Variants in ADAMTS20 observed in about 807,000 individuals in gnomAD.
ADAMTS20 encodes the protein A disintegrin and metalloproteinase with thrombospondin motifs 20.
ADAMTS20 carries 225 observed loss-of-function variants against 260.1 expected under a neutral mutation model. The ratio of observed to expected loss-of-function variants is 0.87; its 90% CI spans 0.78 to 0.97. ADAMTS20 has a LOEUF of 0.97. Ranked by LOEUF, ADAMTS20 falls within the 50% of genes least tolerant of loss-of-function variation. The pLI, the probability that ADAMTS20 is intolerant of heterozygous loss-of-function variation, is 0.00. For synonymous variants in ADAMTS20, 802 were observed against 769.5 expected, an observed-to-expected ratio of 1.04 and a Z score of -0.70; for missense variants, 2,400 against 2,337.7, an observed-to-expected ratio of 1.03 and a Z score of -0.55.
chr12:43,511,344 C>A (rs1052229694), intron 3 of ADAMTS20, among the ~76,000 whole-genome samples: 7 of 151,980 alleles, frequency 4.6e-5, no homozygotes, highest in Admixed American at 3.3e-4. Flanking sequence ...TCCTCACTGC[C>A]CATAAGATAA....
At chr12:43,439,561 T>C (rs1941619493) in intron 18 of ADAMTS20, 61 bp downstream of exon 18, 1 of 1,549,758 alleles carries the variant, frequency 6.5e-7, no homozygotes. Flanking sequence ...GACTCAAAAG[T>C]ACCCAAAATG....
intron 3 of ADAMTS20, among the ~76,000 whole-genome samples, chr12:43,521,496 G>A (rs1350239573): frequency 6.6e-6 from 1 of 152,104 alleles, no homozygotes; most frequent in African/African-American, 2.4e-5. Context: ...ACTTCTTTAT[G>A]TGCACTTTTC....
chr12:43,395,098 G>A (rs1278836200), intron 29 of ADAMTS20, among the ~76,000 whole-genome samples: 1 of 152,078 alleles, frequency 6.6e-6, no homozygotes, highest in Non-Finnish European at 1.5e-5. Context: ...AGATGATAAA[G>A]GAGGAGCATT....
In ADAMTS20 at chr12:43,376,282, C is replaced by G; in HGVS notation, c.5174G>C (p.Arg1725Thr). Residue 1725 changes from arginine to threonine, a missense_variant, in exon 34 of 39, where the codon AGA becomes ACA. Physicochemically the swap from Arg to Thr is moderately conservative, Grantham distance 71 (BLOSUM62 -1). Coordinates refer to ENST00000389420, the MANE Select transcript of ADAMTS20 (RefSeq NM_025003.5). ...GTTAAGGTAATAGTCACCATCCTTT[C>G]TAATGTGGTTTTTCACTTGAATTTC... ...CKEIQVKNHI[R>T]KDGDYYLNIK... The G allele has an allele frequency of 1.9e-6, 3 of 1,555,860 alleles. No individual in the cohort carries two copies. Among genetic ancestry groups the G allele is most frequent in the Non-Finnish European group, 2.6e-6 (3 of 1,148,406 alleles).
At chr12:43,514,429 G>A (rs1000903024) in intron 3 of ADAMTS20, among the ~76,000 whole-genome samples, 7 of 151,720 alleles carry the variant, frequency 4.6e-5, no homozygotes, top group African/African-American at 1.7e-4. Context: ...GGGTGTAGTG[G>A]CGCGTGCCTG....
intron 3 of ADAMTS20, among the ~76,000 whole-genome samples, chr12:43,521,114 T>C (rs953630487): frequency 2.0e-5 from 3 of 152,208 alleles, no homozygotes; most frequent in Non-Finnish European, 4.4e-5. Context: ...GTTAAAAAGT[T>C]AATAAGTTAA....
At chr12:43,509,777 C>G (rs1225951217) in intron 3 of ADAMTS20, among the ~76,000 whole-genome samples, 2 of 151,956 alleles carry the variant, frequency 1.3e-5, no homozygotes, top group Non-Finnish European at 2.9e-5. Context: ...GTCATATATT[C>G]ATCAATATGT....
At chr12:43,541,713 A>C (rs1193546042) in intron 2 of ADAMTS20, among the ~76,000 whole-genome samples, 1 of 152,216 alleles carries the variant, frequency 6.6e-6, no homozygotes, top group Admixed American at 6.5e-5. Context: ...TATAAAGAAA[A>C]CACAAGAATT....
chr12:43,412,802 ATTTTTT>A (rs139458463), intron 28 of ADAMTS20, among the ~76,000 whole-genome samples: 2 of 84,274 alleles, frequency 2.4e-5, no homozygotes, highest in African/African-American at 5.2e-5. Flanking sequence ...ATAGGAAATA[ATTTTTT>A]TTTTTTTTTT....
At chr12:43,468,377 C>T (rs867760666) in intron 8 of ADAMTS20, among the ~76,000 whole-genome samples, 7 of 152,182 alleles carry the variant, frequency 4.6e-5, no homozygotes, top group Admixed American at 4.6e-4. Context: ...AATAAAAGAA[C>T]TCCCAAGTTC....
chr12:43,421,291 A>AAAAAAAC (rs1212765387), intron 28 of ADAMTS20, among the ~76,000 whole-genome samples: 11 of 151,768 alleles, frequency 7.2e-5, no homozygotes, highest in Admixed American at 6.6e-4. Context: ...ACAAAAAAAA[A>AAAAAAAC]AAAAAAACTT....
intron 31 of ADAMTS20, among the ~76,000 whole-genome samples, chr12:43,378,895 T>G (rs1187132409): frequency 1.3e-5 from 2 of 152,178 alleles, no homozygotes; most frequent in African/African-American, 4.8e-5. Context: ...ACCAAAGACT[T>G]GCAGCAATCC....
chr12:43,485,983 A>G (rs1360301952), intron 7 of ADAMTS20, among the ~76,000 whole-genome samples: 1 of 152,172 alleles, frequency 6.6e-6, no homozygotes, highest in Non-Finnish European at 1.5e-5. Context: ...AAAAATCAAT[A>G]TCATTGAAAA....
intron 26 of ADAMTS20, 104 bp from the exon 27 acceptor site, chr12:43,427,573 C>T: frequency 1.8e-6 from 2 of 1,113,322 alleles, no homozygotes; most frequent in Non-Finnish European, 2.4e-6. Context: ...AAATCAAACC[C>T]TACATTAGAA....
chr12:43,436,110 G>A (rs1006363419), intron 18 of ADAMTS20, among the ~76,000 whole-genome samples: 1 of 152,068 alleles, frequency 6.6e-6, no homozygotes, highest in Non-Finnish European at 1.5e-5. Context: ...AAACAGCAAG[G>A]AAATGAAATT....
intron 3 of ADAMTS20, among the ~76,000 whole-genome samples, chr12:43,513,290 C>T (rs1433120533): frequency 2.6e-5 from 4 of 152,202 alleles, no homozygotes; most frequent in Non-Finnish European, 5.9e-5. Context: ...TCCACATTCT[C>T]AAGAAACCAA....
At chr12:43,508,695 T>C (rs936652852) in intron 3 of ADAMTS20, among the ~76,000 whole-genome samples, 6 of 152,196 alleles carry the variant, frequency 3.9e-5, no homozygotes, top group Non-Finnish European at 7.3e-5. Flanking sequence ...ATATAGTACA[T>C]AATAACATCA....
intron 15 of ADAMTS20, 61 bp from the exon 16 acceptor site, chr12:43,443,944 C>G: frequency 1.5e-6 from 2 of 1,335,126 alleles, no homozygotes; most frequent in Non-Finnish European, 2.1e-6. Flanking sequence ...GAGGTTATTA[C>G]TGCTGAATGG....
intron 7 of ADAMTS20, among the ~76,000 whole-genome samples, chr12:43,472,679 A>G (rs1942285248): frequency 7.0e-6 from 1 of 143,678 alleles, no homozygotes; most frequent in Admixed American, 6.9e-5. Flanking sequence ...GGGGGCCAAT[A>G]TTCAACATTC....
Sources: gnomAD v4.1 joint callset for allele counts (sites outside exome capture counted in the v4.1 genomes callset) on GRCh38, gnomAD v4.1.1 for gene constraint, MANE v1.5 for transcripts, NCBI Gene and HGNC (gene_info 2026-07-23, HGNC 2026-07-21) for gene names.